Variants in DRD3 observed in about 807,000 individuals in gnomAD.
DRD3 encodes the protein D(3) dopamine receptor.
Under a neutral mutation model 36.3 loss-of-function variants are expected in DRD3, and 19 were observed. The observed-to-expected ratio is 0.52, with a 90% confidence interval of 0.36 to 0.77. DRD3 has a LOEUF of 0.77. DRD3 is among the 30% of genes least tolerant of loss of function. The probability of loss-of-function intolerance (pLI) is 0.00; values close to 1 mark genes in which losing one functional copy is unlikely to be tolerated. For synonymous variants in DRD3, 195 were observed against 203.7 expected (o/e 0.96, Z 0.36); for missense variants, 465 against 505.3 (o/e 0.92, Z 0.77).
At chr3:114,159,493 A>G (rs532998445) in intron 3 of DRD3, among the ~76,000 whole-genome samples, 155 of 152,074 alleles carry the variant, frequency 1.0e-3, no homozygotes, top group Non-Finnish European at 1.8e-3. Context: ...ACCCCAAAGG[A>G]TGGTGGAAAA....
At chr3:114,140,847 T>C (rs1412419909) in intron 4 of DRD3, among the ~76,000 whole-genome samples, 5 of 152,164 alleles carry the variant, frequency 3.3e-5, no homozygotes, top group Non-Finnish European at 5.9e-5. Flanking sequence ...ACCTCAAAGT[T>C]GGCCTTGGAA....
intron 1 of DRD3, among the ~76,000 whole-genome samples, chr3:114,194,595 C>T (rs184725961): frequency 6.6e-6 from 1 of 152,250 alleles, no homozygotes; most frequent in Non-Finnish European, 1.5e-5. Flanking sequence ...ATCCTGAATC[C>T]ATTAAGCTTT....
At chr3:114,158,875 A>C (rs2107864803) in intron 3 of DRD3, among the ~76,000 whole-genome samples, 1 of 152,278 alleles carries the variant, frequency 6.6e-6, no homozygotes, top group East Asian at 1.9e-4. Context: ...GAGAGAACTC[A>C]GAGCAGGAAT....
At position 114,170,558 on chromosome 3, in the gene DRD3, C is replaced by G. The variant is rs955318202; in HGVS notation, c.270+1165G>C. ...CCCTTAGCCTTTAGATCTACACAGCCTAGTTGTTTTTCTTCTTTTCCTTTT... is the reference window on the plus strand; with the variant it reads ...CCCTTAGCCTTTAGATCTACACAGCGTAGTTGTTTTTCTTCTTTTCCTTTT... On this transcript the variant is annotated intron_variant, in intron 2 of 6. Coordinates refer to ENST00000383673, the MANE Select transcript of DRD3 (RefSeq NM_000796.6). Among the ~76,000 whole-genome samples, 4 of 152,278 alleles carry G rather than the reference C, an allele frequency of 2.6e-5. No individual in the cohort carries two copies. In the East Asian group the frequency reaches 7.7e-4, roughly 29 times the overall value.
chr3:114,176,841 T>A (rs2077904303), intron 1 of DRD3, among the ~76,000 whole-genome samples: 1 of 152,140 alleles, frequency 6.6e-6, no homozygotes, highest in South Asian at 2.1e-4. Context: ...AATTAATAAT[T>A]ATAGCTAAAA....
intron 6 of DRD3, among the ~76,000 whole-genome samples, chr3:114,129,551 A>G (rs920599815): frequency 1.3e-5 from 2 of 152,116 alleles, no homozygotes; most frequent in Non-Finnish European, 2.9e-5. Flanking sequence ...ATGCCTACCT[A>G]TGCAAAACAT....
intron 2 of DRD3, among the ~76,000 whole-genome samples, chr3:114,168,274 A>T (rs888941170): frequency 7.2e-5 from 11 of 152,182 alleles, no homozygotes; most frequent in African/African-American, 2.7e-4. Flanking sequence ...ACTTAAATCC[A>T]TGTCTTCTGA....
intron 1 of DRD3, among the ~76,000 whole-genome samples, chr3:114,187,794 T>C (rs1489167290): frequency 6.6e-6 from 1 of 152,186 alleles, no homozygotes; most frequent in Non-Finnish European, 1.5e-5. Flanking sequence ...TCAAATTGGC[T>C]CAAACTGTTA....
intron 4 of DRD3, among the ~76,000 whole-genome samples, chr3:114,142,535 A>G (rs1226961278): frequency 2.0e-5 from 3 of 152,222 alleles, no homozygotes; most frequent in African/African-American, 7.2e-5. Flanking sequence ...ATACACATAC[A>G]CATACATAAA....
intron 1 of DRD3, among the ~76,000 whole-genome samples, chr3:114,173,621 A>C (rs2077868070): frequency 2.6e-5 from 4 of 152,214 alleles, no homozygotes. Context: ...GGGTCCCTGA[A>C]GCAGATTAGG....
intron 2 of DRD3, 118 bp downstream of exon 2, chr3:114,171,605 T>G: frequency 1.2e-5 from 16 of 1,313,744 alleles, no homozygotes; most frequent in Non-Finnish European, 1.5e-5. Context: ...ATGAGAGCTC[T>G]CCTTCCTTCC....
At chr3:114,156,716 T>C (rs918585510) in intron 3 of DRD3, among the ~76,000 whole-genome samples, 4 of 1,140 alleles carry the variant, frequency 3.5e-3, no homozygotes, top group Admixed American at 0.026. Context: ...GGCTTGCCTG[T>C]CTTTCTTTCT....
At chr3:114,159,954 A>T in intron 2 of DRD3, 87 bp from the exon 3 acceptor site, 1 of 1,152,378 alleles carries the variant, frequency 8.7e-7, no homozygotes, top group African/African-American at 1.5e-5. Flanking sequence ...TTTGCTGCCT[A>T]GTGTAGATGT....
chr3:114,197,833 G>A (rs563267210), intron 1 of DRD3, among the ~76,000 whole-genome samples: 1 of 152,190 alleles, frequency 6.6e-6, no homozygotes, highest in African/African-American at 2.4e-5. Flanking sequence ...AAACAGTCTT[G>A]TTTACTGTGG....
intron 3 of DRD3, among the ~76,000 whole-genome samples, chr3:114,157,677 GGT>G (rs937602758): frequency 6.6e-6 from 1 of 152,052 alleles, no homozygotes; most frequent in Admixed American, 6.5e-5. Context: ...ACTTTGCTCT[GGT>G]GATCCTGCAA....
chr3:114,157,687 C>CA (rs539657831), intron 3 of DRD3, among the ~76,000 whole-genome samples: 305 of 152,280 alleles, frequency 2.0e-3, no homozygotes, highest in African/African-American at 6.5e-3. Flanking sequence ...GGTGATCCTG[C>CA]AAACCAATCA....
chr3:114,177,599 G>A (rs919678447), intron 1 of DRD3, among the ~76,000 whole-genome samples: 4 of 152,162 alleles, frequency 2.6e-5, no homozygotes, highest in Admixed American at 6.5e-5. Context: ...AGTAGAAACT[G>A]TTCGGTATTT....
intron 5 of DRD3, 49 bp downstream of exon 5, chr3:114,139,451 G>T: frequency 6.4e-7 from 1 of 1,564,610 alleles, no homozygotes. Flanking sequence ...AGGCTGGGAA[G>T]TCAGGAGATT....
rs1243622654 is a variant in DRD3, at chr3:114,137,343, CAGTT to C, written c.723+2153_723+2156del. Among the ~76,000 whole-genome samples, 3 of 152,306 alleles carry C rather than the reference CAGTT, an allele frequency of 2.0e-5. No individual in the cohort carries two copies. In the East Asian group the frequency reaches 5.8e-4, roughly 29 times the overall value. ...TGGGCAGGGGGTGTAGAAGAAGGAA[CAGTT>C]AGTTGTGGGTCTAGCCATGTCATTG... is the stretch of plus-strand genomic sequence containing the variant. On this transcript the variant is annotated intron_variant, in intron 5 of 6. Coordinates refer to ENST00000383673, the MANE Select transcript of DRD3 (RefSeq NM_000796.6).
Sources: gnomAD v4.1 joint callset for allele counts (sites outside exome capture counted in the v4.1 genomes callset) on GRCh38, gnomAD v4.1.1 for gene constraint, MANE v1.5 for transcripts, NCBI Gene and HGNC (gene_info 2026-07-23, HGNC 2026-07-21) for gene names.